The following ABCB5 variants were observed in gnomAD, a reference collection of about 807,000 sequenced individuals.
The protein encoded by ABCB5 is ATP-binding cassette sub-family B member 5.
A neutral mutation model predicts 144.2 loss-of-function variants in ABCB5; 155 were observed. The observed-to-expected ratio is 1.08, with a 90% confidence interval of 0.94 to 1.23. ABCB5 has a LOEUF of 1.23. Ranked by LOEUF, ABCB5 falls within the 50% of genes most tolerant of loss-of-function variation. ABCB5 has a pLI of 0.00. For missense variants in ABCB5, 1,830 were observed against 1,520.8 expected (o/e 1.20, Z -3.38); for synonymous variants, 610 against 528.6 (o/e 1.15, Z -2.11).
At chr7:20,668,964 G>A (rs866464529) in intron 14 of ABCB5, among the ~76,000 whole-genome samples, 1,207 of 80,746 alleles carry the variant, frequency 0.015, no homozygotes, top group Middle Eastern at 0.022. Flanking sequence ...CGCCCCGTCC[G>A]GGAGGGAGGT....
At chr7:20,692,807 C>A (rs1056927934) in intron 16 of ABCB5, among the ~76,000 whole-genome samples, 3 of 151,940 alleles carry the variant, frequency 2.0e-5, no homozygotes, top group Admixed American at 6.6e-5. Context: ...ATGTTAAGGA[C>A]AGCCAAAGTA....
chr7:20,754,484 A>T (rs1783023471), intron 27 of ABCB5, among the ~76,000 whole-genome samples: 1 of 152,228 alleles, frequency 6.6e-6, no homozygotes, highest in Non-Finnish European at 1.5e-5. Flanking sequence ...GAGGTTATTG[A>T]AAGAATTTAA....
chr7:20,737,753 A>T (rs1024209917), intron 23 of ABCB5, among the ~76,000 whole-genome samples: 3 of 113,584 alleles, frequency 2.6e-5, no homozygotes, highest in Admixed American at 8.5e-5. Flanking sequence ...AAACACATTT[A>T]AAAAAAAAAA....
At position 20,743,184 on chromosome 7, in the gene ABCB5, G is replaced by A; in HGVS notation, c.3222+110G>A. ...TTTGGGTGGGGCAAACAATGCAGAA[G>A]TTAAAAAGAAAAAAAATCTCTGTGT... On this transcript the variant is annotated intron_variant, in intron 25 of 27. Coordinates refer to ENST00000404938, the MANE Select transcript of ABCB5 (RefSeq NM_001163941.2). The A allele has an allele frequency of 6.8e-6, 8 of 1,175,784 alleles. No individual in the cohort carries two copies. In the Admixed American group the frequency reaches 1.2e-4, roughly 18 times the overall value. 72.8% of individuals were successfully genotyped at this position (1,175,784 alleles called of 1,614,324 possible). A position where few individuals can be genotyped will look rare whatever the true frequency, so the allele number is the denominator to read the frequency against.
At chr7:20,744,020 G>A (rs1163383925) in intron 25 of ABCB5, among the ~76,000 whole-genome samples, 1 of 151,986 alleles carries the variant, frequency 6.6e-6, no homozygotes, top group Non-Finnish European at 1.5e-5. Context: ...ACGTCATCAT[G>A]CACTGTGCTT....
At chr7:20,749,591 A>G (rs983295526) in intron 26 of ABCB5, among the ~76,000 whole-genome samples, 1 of 151,872 alleles carries the variant, frequency 6.6e-6, no homozygotes, top group African/African-American at 2.4e-5. Context: ...ATTTCTTTGC[A>G]AACCACTGGG....
chr7:20,644,092 T>A (rs1784353476), intron 7 of ABCB5, among the ~76,000 whole-genome samples: 1 of 150,742 alleles, frequency 6.6e-6, no homozygotes, highest in Non-Finnish European at 1.5e-5. Flanking sequence ...ATGTAAAGTT[T>A]TTTTTTTTTT....
chr7:20,699,725 AG>A, intron 17 of ABCB5, 99 bp from the exon 18 acceptor site: 2 of 739,280 alleles, frequency 2.7e-6, no homozygotes, highest in South Asian at 2.1e-5. Flanking sequence ...AAAAAAAAAA[AG>A]AAATGTATTT....
In ABCB5 at chr7:20,681,040, CTT is replaced by C. The variant is rs1214926996; in HGVS notation, c.1708-463_1708-462del. 3.6e-3 allele frequency among the ~76,000 whole-genome samples: 17 copies of C among 4,684 alleles called. 2 individuals are homozygous for C. Among genetic ancestry groups the C allele is most frequent in the African/African-American group, 0.011 (15 of 1,352 alleles). 3.1% of individuals were successfully genotyped at this position (4,684 alleles called of 152,430 possible). ...TTTCTTTCTTTCTTTCTTTCTCTTT[CTT>C]TCTTTCTCTCTCTCTCTCTTTCTTT... On this transcript the variant is annotated intron_variant, in intron 14 of 27. Transcript: ENST00000404938.
rs190814522 is a variant in ABCB5 at position 20,671,256 on chromosome 7, C to G, written c.1708-10249C>G. ...AGTCTCATTCAGGATTCCTGCAGAA[C>G]TTTAGAATGACCAACTGGGCTGCTG... is the stretch of plus-strand genomic sequence containing the variant. On this transcript the variant is annotated intron_variant, in intron 14 of 27. Coordinates refer to ENST00000404938, the MANE Select transcript of ABCB5 (RefSeq NM_001163941.2). 9.2e-5 allele frequency among the ~76,000 whole-genome samples: 14 copies of G among 152,320 alleles called. No individual in the cohort carries two copies. In the East Asian group the frequency reaches 2.7e-3, roughly 29 times the overall value.
chr7:20,723,815 A>C (rs1781948568), intron 21 of ABCB5, among the ~76,000 whole-genome samples: 1 of 152,348 alleles, frequency 6.6e-6, no homozygotes, highest in Non-Finnish European at 1.5e-5. Context: ...AAGGCCATGC[A>C]CTGATATTGA....
At position 20,623,334 on chromosome 7, in the gene ABCB5, A is replaced by G. The variant is rs368290443; in HGVS notation, c.49A>G (p.Asn17Asp). Residue 17 changes from asparagine to aspartate, a missense_variant, in exon 2 of 28, where the codon AAT (asparagine) becomes GAT (aspartate). Transcript: ENST00000404938. Reference protein sequence around the residue: ...AEEMQENYQRNGTAEEQPKLR... With the variant: ...AEEMQENYQRDGTAEEQPKLR... ...AGAAATGCAAGAAAATTATCAGAGA[A>G]ATGGGTAAGCTCTCACTAAGTTCTG... 153 of 1,549,440 alleles carry G rather than the reference A, an allele frequency of 9.9e-5. No homozygotes were observed. The African/African-American group carries it at 2.0e-3, about 20-fold the overall frequency.
chr7:20,631,167 G>C (rs924874627), intron 4 of ABCB5, among the ~76,000 whole-genome samples: 1 of 152,106 alleles, frequency 6.6e-6, no homozygotes, highest in African/African-American at 2.4e-5. Context: ...TACACACTGA[G>C]ATTATGCCAT....
At chr7:20,658,437 T>A in intron 13 of ABCB5, 69 bp from the exon 14 acceptor site, 1 of 1,482,754 alleles carries the variant, frequency 6.7e-7, no homozygotes, top group Admixed American at 1.9e-5. Context: ...ACTGGGATTG[T>A]CATTTCCTGT....
intron 14 of ABCB5, among the ~76,000 whole-genome samples, chr7:20,681,096 CTTTCTTTCTTTCTTTCTTT>C (rs1554284133): frequency 0.43 from 10,305 of 24,088 alleles, 1,431 homozygotes; most frequent in East Asian, 0.53. Flanking sequence ...TTCTTTCTTT[CTTTCTTTCTTTCTTTCTTT>C]CTTTCTTTCT....
At chr7:20,700,345 T>G (rs562745748) in intron 19 of ABCB5, among the ~76,000 whole-genome samples, 1 of 152,318 alleles carries the variant, frequency 6.6e-6, no homozygotes, top group South Asian at 2.1e-4. Flanking sequence ...ATACAGCTTA[T>G]AGAAAAGAAT....
At chr7:20,698,778 T>C (rs1440624940) in intron 17 of ABCB5, among the ~76,000 whole-genome samples, 1 of 152,180 alleles carries the variant, frequency 6.6e-6, no homozygotes, top group Admixed American at 6.5e-5. Flanking sequence ...AGTGAAGAAA[T>C]TGCTTTGTTT....
At chr7:20,719,784 T>C (rs1490907889) in intron 20 of ABCB5, among the ~76,000 whole-genome samples, 1 of 152,146 alleles carries the variant, frequency 6.6e-6, no homozygotes, top group African/African-American at 2.4e-5. Context: ...GAGCCAGTTT[T>C]CTCCCTTGTG....
chr7:20,736,612 G>C (rs1782386206), intron 23 of ABCB5, among the ~76,000 whole-genome samples: 1 of 152,218 alleles, frequency 6.6e-6, no homozygotes, highest in Non-Finnish European at 1.5e-5. Context: ...AGTGACATGA[G>C]AGATTGTTGG....
Sources: allele counts gnomAD v4.1 joint callset (sites outside exome capture counted in the v4.1 genomes callset), GRCh38; gene constraint gnomAD v4.1.1; transcripts MANE v1.5; gene names NCBI Gene and HGNC (gene_info 2026-07-23, HGNC 2026-07-21).